The following AMOTL1 variants were observed in gnomAD, a reference collection of about 807,000 sequenced individuals.
AMOTL1 encodes angiomotin like 1.
In AMOTL1, 45 loss-of-function variants were observed where a neutral mutation model predicts 102.9. That is an observed-to-expected ratio of 0.44 (90% CI 0.34 to 0.56). AMOTL1 has a LOEUF of 0.56. Ranked by LOEUF, AMOTL1 falls within the 20% of genes least tolerant of loss-of-function variation. AMOTL1 has a pLI of 0.01. For missense variants in AMOTL1, 1,114 were observed against 1,225.6 expected, an observed-to-expected ratio of 0.91 and a Z score of 1.36; for synonymous variants, 481 against 484.7, an observed-to-expected ratio of 0.99 and a Z score of 0.10.
rs1291338804 is a variant in AMOTL1, at chr11:94,710,091, C to T, written c.-51+3494C>T. 2.0e-5 allele frequency among the ~76,000 whole-genome samples: 3 copies of T among 152,202 alleles called. No homozygotes were observed. In the East Asian group the frequency reaches 5.8e-4, roughly 29 times the overall value. On this transcript the variant is annotated intron_variant, in intron 1 of 4. Transcript: ENST00000299004. ...TCATCTGCCTCCATACCTACCCACC[C>T]AACTCTCCTCATACAAGGCTCTGCT... is the stretch of plus-strand genomic sequence containing the variant.
chr11:94,723,253 CA>C (rs1950202638), intron 1 of AMOTL1, among the ~76,000 whole-genome samples: 1 of 151,718 alleles, frequency 6.6e-6, no homozygotes, highest in Admixed American at 6.6e-5. Context: ...TATTATCCTG[CA>C]ATGGAAAAAT....
At chr11:94,707,616 A>G (rs1358923372) in intron 1 of AMOTL1, among the ~76,000 whole-genome samples, 2 of 152,114 alleles carry the variant, frequency 1.3e-5, no homozygotes, top group African/African-American at 4.8e-5. Flanking sequence ...TTTGTTTTAA[A>G]TGCAATTGCA....
chr11:94,856,169 T>C (rs2135721357), intron 8 of AMOTL1, among the ~76,000 whole-genome samples: 1 of 152,286 alleles, frequency 6.6e-6, no homozygotes, highest in Admixed American at 6.5e-5. Flanking sequence ...AAAAGATAAG[T>C]AGAGGTTGAG....
chr11:94,719,742 T>G (rs1440456948), intron 1 of AMOTL1, among the ~76,000 whole-genome samples: 1 of 152,124 alleles, frequency 6.6e-6, no homozygotes, highest in Non-Finnish European at 1.5e-5. Context: ...TACGTATTCT[T>G]TAAAAAAAAT....
intron 1 of AMOTL1, among the ~76,000 whole-genome samples, chr11:94,769,232 A>G (rs1474777657): frequency 6.6e-6 from 1 of 152,212 alleles, no homozygotes; most frequent in East Asian, 1.9e-4. Flanking sequence ...CGCGGGGAGA[A>G]AATTTAAACT....
At chr11:94,843,476 T>A (rs952658827) in intron 6 of AMOTL1, among the ~76,000 whole-genome samples, 6 of 152,194 alleles carry the variant, frequency 3.9e-5, no homozygotes, top group Admixed American at 3.9e-4. Context: ...TGAAATATCT[T>A]CCTATTGTCT....
upstream of AMOTL1, chr11:94,768,212 G>T: frequency 9.2e-7 from 1 of 1,092,782 alleles, no homozygotes; most frequent in Non-Finnish European, 1.1e-6. Context: ...GCGGCCCGGG[G>T]AGGGGCGGCG....
chr11:94,848,105 C>T (rs1211151629), intron 6 of AMOTL1, among the ~76,000 whole-genome samples: 1 of 152,138 alleles, frequency 6.6e-6, no homozygotes, highest in Non-Finnish European at 1.5e-5. Context: ...GTTGTCCAAA[C>T]CTAGGGTTAG....
intron 6 of AMOTL1, among the ~76,000 whole-genome samples, chr11:94,845,209 G>A (rs1952383934): frequency 6.6e-6 from 1 of 152,206 alleles, no homozygotes; most frequent in Admixed American, 6.5e-5. Context: ...AACAGTTTCA[G>A]CAGGGTGTCC....
chr11:94,805,085 C>T (rs1366945209), intron 3 of AMOTL1, among the ~76,000 whole-genome samples: 17 of 152,348 alleles, frequency 1.1e-4, no homozygotes, highest in African/African-American at 3.1e-4. Flanking sequence ...CTGCACACTG[C>T]GTCTCCCACG....
rs180894774 is a variant in AMOTL1, at chr11:94,874,498, A to G, written c.*3703A>G. On this transcript the variant is annotated 3_prime_UTR_variant, in exon 13 of 13. Transcript: ENST00000433060. The stretch of plus-strand genomic sequence containing the variant: ...GGAACTCATGTATGAGTTTGACTCC[A>G]CAAGGCTTGGCATGGATACCAAAAC... 1 of 152,316 alleles carries G rather than the reference A, an allele frequency of 6.6e-6. No homozygotes were observed. The highest frequency in any genetic ancestry group is 2.4e-5 in the African/African-American group (1 of 41,566). 9.4% of individuals were successfully genotyped at this position (152,316 alleles called of 1,614,324 possible).
chr11:94,786,067 A>C (rs1389920975), intron 1 of AMOTL1, among the ~76,000 whole-genome samples: 1 of 152,198 alleles, frequency 6.6e-6, no homozygotes, highest in Admixed American at 6.5e-5. Context: ...AATTTCAGTA[A>C]CTTAATTAAA....
intron 1 of AMOTL1, among the ~76,000 whole-genome samples, chr11:94,715,131 A>G (rs1950077073): frequency 6.6e-6 from 1 of 152,098 alleles, no homozygotes; most frequent in Admixed American, 6.6e-5. Flanking sequence ...CCTATGGCTT[A>G]TTTAAAAGTG....
intron 1 of AMOTL1, among the ~76,000 whole-genome samples, chr11:94,714,195 T>C (rs1780116110): frequency 1.3e-5 from 2 of 152,072 alleles, no homozygotes; most frequent in Non-Finnish European, 2.9e-5. Context: ...TTGAATGATT[T>C]TCAAATATTG....
intron 3 of AMOTL1, among the ~76,000 whole-genome samples, chr11:94,751,383 C>T (rs1041097550): frequency 1.6e-4 from 25 of 152,176 alleles, no homozygotes; most frequent in Non-Finnish European, 8.8e-5. Context: ...GCAGCAGAGT[C>T]CCTGGGACAC....
chr11:94,794,326 A>G (rs1242198600), intron 1 of AMOTL1, among the ~76,000 whole-genome samples: 1 of 152,182 alleles, frequency 6.6e-6, no homozygotes, highest in African/African-American at 2.4e-5. Context: ...TATCAGTGTT[A>G]CTGTAGTACT....
intron 3 of AMOTL1, among the ~76,000 whole-genome samples, chr11:94,753,048 C>G (rs930960424): frequency 6.6e-6 from 1 of 152,122 alleles, no homozygotes; most frequent in Non-Finnish European, 1.5e-5. Context: ...AGTCATTTTC[C>G]CTCAAATTCA....
intron 2 of AMOTL1, among the ~76,000 whole-genome samples, chr11:94,729,376 G>A (rs2033361): frequency 0.46 from 70,465 of 151,986 alleles, 18,449 homozygotes; most frequent in Non-Finnish European, 0.58. Flanking sequence ...GTGGGAAGCT[G>A]GTCAGACATC....
chr11:94,723,750 T>G (rs1215226345), intron 1 of AMOTL1, among the ~76,000 whole-genome samples: 1 of 151,562 alleles, frequency 6.6e-6, no homozygotes, highest in Non-Finnish European at 1.5e-5. Context: ...GTACTTTTAT[T>G]CATGTAAAAA....
Sources: gnomAD v4.1 joint callset for allele counts (sites outside exome capture counted in the v4.1 genomes callset) on GRCh38, gnomAD v4.1.1 for gene constraint, MANE v1.5 for transcripts, NCBI Gene and HGNC (gene_info 2026-07-23, HGNC 2026-07-21) for gene names.